Variants in NEDD4L observed in about 807,000 individuals in gnomAD.
The protein encoded by NEDD4L is NEDD4 like E3 ubiquitin protein ligase, also known as E3 ubiquitin-protein ligase NEDD4-like.
NEDD4L carries 54 observed loss-of-function variants against 148.9 expected under a neutral mutation model. The ratio of observed to expected loss-of-function variants is 0.36; its 90% CI spans 0.29 to 0.45. NEDD4L has a LOEUF of 0.45. Ranked by LOEUF, NEDD4L falls within the 20% of genes least tolerant of loss-of-function variation. The pLI, the probability that NEDD4L is intolerant of heterozygous loss-of-function variation, is 1.00. For synonymous variants in NEDD4L, 433 were observed against 440.7 expected (o/e 0.98, Z 0.22); for missense variants, 856 against 1,233.8 (o/e 0.69, Z 4.59).
intron 1 of NEDD4L, among the ~76,000 whole-genome samples, chr18:58,086,606 A>G (rs1881442805): frequency 6.6e-6 from 1 of 152,238 alleles, no homozygotes; most frequent in Admixed American, 6.5e-5. Flanking sequence ...GACAGACGGT[A>G]ACATGCCCGA....
intron 2 of NEDD4L, among the ~76,000 whole-genome samples, chr18:58,232,836 G>A (rs545414402): frequency 2.6e-4 from 39 of 152,084 alleles, no homozygotes; most frequent in Non-Finnish European, 4.7e-4. Context: ...GAGAGTTGAG[G>A]GGAAACTTTT....
chr18:58,194,360 C>T (rs1304988134), intron 2 of NEDD4L, among the ~76,000 whole-genome samples: 1 of 152,204 alleles, frequency 6.6e-6, no homozygotes, highest in African/African-American at 2.4e-5. Context: ...TCACCCATGC[C>T]CTGGTCGTTC....
chr18:58,375,888 A>G (rs1363330726), intron 24 of NEDD4L, among the ~76,000 whole-genome samples: 1 of 152,196 alleles, frequency 6.6e-6, no homozygotes, highest in Non-Finnish European at 1.5e-5. Flanking sequence ...AAAAAGCCGG[A>G]CCTATTGAAG....
At chr18:58,323,468 G>T in intron 8 of NEDD4L, 134 bp downstream of exon 8, 1 of 591,754 alleles carries the variant, frequency 1.7e-6, no homozygotes, top group Non-Finnish European at 3.0e-6. Flanking sequence ...CCGCAAATTG[G>T]TCATTGATAG....
At chr18:58,234,390 G>GGCA (rs2045756394) in intron 2 of NEDD4L, among the ~76,000 whole-genome samples, 1 of 145,540 alleles carries the variant, frequency 6.9e-6, no homozygotes, top group Non-Finnish European at 1.5e-5. Context: ...GGAGTACAGT[G>GGCA]GCATGATCAT....
At chr18:58,363,399 C>A (rs191643618) in intron 19 of NEDD4L, among the ~76,000 whole-genome samples, 125 of 152,194 alleles carry the variant, frequency 8.2e-4, no homozygotes, top group African/African-American at 2.6e-3. Flanking sequence ...GAGTTGTTTT[C>A]GAGGCTGTCA....
intron 2 of NEDD4L, among the ~76,000 whole-genome samples, chr18:58,220,428 C>T (rs1475032591): frequency 1.3e-5 from 2 of 151,368 alleles, no homozygotes; most frequent in African/African-American, 4.9e-5. Context: ...GAATGGTTGG[C>T]ACTGTCCCCC....
chr18:58,249,799 G>T (rs571258447), intron 4 of NEDD4L, among the ~76,000 whole-genome samples: 1 of 152,296 alleles, frequency 6.6e-6, no homozygotes, highest in South Asian at 2.1e-4. Flanking sequence ...CCAAACTTGG[G>T]CTACTACATA....
At chr18:58,236,089 G>T (rs950460418) in intron 2 of NEDD4L, among the ~76,000 whole-genome samples, 27 of 152,056 alleles carry the variant, frequency 1.8e-4, no homozygotes, top group African/African-American at 6.3e-4. Flanking sequence ...AAGTGTAGTG[G>T]CTCCCGCCTG....
intron 17 of NEDD4L, among the ~76,000 whole-genome samples, chr18:58,350,608 T>TTGTC (rs1408934311): frequency 6.6e-6 from 1 of 152,218 alleles, no homozygotes; most frequent in Non-Finnish European, 1.5e-5. Context: ...ACAAATACAG[T>TTGTC]TAACCATGTC....
At chr18:58,116,078 A>G (rs1419823775) in intron 1 of NEDD4L, among the ~76,000 whole-genome samples, 1 of 152,218 alleles carries the variant, frequency 6.6e-6, no homozygotes, top group Non-Finnish European at 1.5e-5. Context: ...GTGCCTGCAC[A>G]GGGACCCAGC....
intron 24 of NEDD4L, among the ~76,000 whole-genome samples, chr18:58,376,690 G>C (rs1037664966): frequency 1.3e-5 from 2 of 152,296 alleles, no homozygotes; most frequent in South Asian, 4.1e-4. Flanking sequence ...TGGCAGAGTG[G>C]TCTTTTTGGA....
chr18:58,117,640 G>A (rs1004323698), intron 1 of NEDD4L, among the ~76,000 whole-genome samples: 6 of 152,184 alleles, frequency 3.9e-5, no homozygotes, highest in African/African-American at 1.2e-4. Context: ...AGGGGGAGGT[G>A]TGGGCACCTG....
chr18:58,105,436 C>T (rs1446504832), intron 1 of NEDD4L, among the ~76,000 whole-genome samples: 1 of 152,160 alleles, frequency 6.6e-6, no homozygotes, highest in Non-Finnish European at 1.5e-5. Context: ...ATTCTCGAGA[C>T]TCCTGTGCCT....
At chr18:58,305,194 A>G (rs1422871243) in intron 5 of NEDD4L, among the ~76,000 whole-genome samples, 1 of 152,172 alleles carries the variant, frequency 6.6e-6, no homozygotes, top group Non-Finnish European at 1.5e-5. Context: ...AGGGGAACCT[A>G]TCATATACTC....
chr18:58,155,548 T>C (rs2035379785), intron 1 of NEDD4L, among the ~76,000 whole-genome samples: 1 of 152,202 alleles, frequency 6.6e-6, no homozygotes, highest in Non-Finnish European at 1.5e-5. Flanking sequence ...GGATGGGTGA[T>C]GAGGCTAAGC....
intron 1 of NEDD4L, among the ~76,000 whole-genome samples, chr18:58,155,333 T>C (rs2035349207): frequency 6.8e-6 from 1 of 146,414 alleles, no homozygotes; most frequent in African/African-American, 2.5e-5. Flanking sequence ...AAAAAAACGC[T>C]CCAAGTTAGA....
intron 5 of NEDD4L, among the ~76,000 whole-genome samples, chr18:58,300,145 C>T (rs921040732): frequency 6.6e-6 from 1 of 152,162 alleles, no homozygotes; most frequent in African/African-American, 2.4e-5. Context: ...TTTTACTATG[C>T]TCTTTTGTAA....
At chr18:58,070,255 TTTTA>T (rs559040396) in intron 1 of NEDD4L, among the ~76,000 whole-genome samples, 9 of 151,716 alleles carry the variant, frequency 5.9e-5, no homozygotes, top group African/African-American at 9.7e-5. Context: ...TTTATTTTTA[TTTTA>T]TTTATTTATT....
Sources: gnomAD v4.1 joint callset for allele counts (sites outside exome capture counted in the v4.1 genomes callset) on GRCh38, gnomAD v4.1.1 for gene constraint, MANE v1.5 for transcripts, NCBI Gene and HGNC (gene_info 2026-07-23, HGNC 2026-07-21) for gene names.